The following ZFPM1 variants were observed in gnomAD, a reference collection of about 807,000 sequenced individuals.
ZFPM1 encodes the protein zinc finger protein, FOG family member 1.
In ZFPM1, 28 loss-of-function variants were observed where a neutral mutation model predicts 46.3. The ratio of observed to expected loss-of-function variants is 0.60; its 90% CI spans 0.45 to 0.83. ZFPM1 has a LOEUF of 0.83. Ranked by LOEUF, ZFPM1 falls within the 40% of genes least tolerant of loss-of-function variation. ZFPM1 has a pLI of 0.00. For missense variants in ZFPM1, 1,878 were observed against 1,432.4 expected (o/e 1.31, Z -5.02); for synonymous variants, 957 against 675.9 (o/e 1.42, Z -6.45).
chr16:88,480,022 G>A lies in ZFPM1; in HGVS notation c.41-5917G>A, dbSNP rs1036372210. The stretch of plus-strand genomic sequence containing the variant: ...CGCCCAGCGCCCACTGCCAACACCT[G>A]GCTGAGTCCTAACGCCAGCCTTTGG... On this transcript the variant is annotated intron_variant, in intron 1 of 9. Transcript: ENST00000319555. The surrounding 1 kb of genome is among the most constrained non-coding windows in gnomAD (Gnocchi z 4.9). Among the ~76,000 whole-genome samples the A allele has an allele frequency of 1.3e-5, 2 of 151,822 alleles. No homozygotes were observed. The highest frequency in any genetic ancestry group is 1.3e-4 in the Admixed American group (2 of 15,240).
chr16:88,477,963 C>A (rs1908758379), intron 1 of ZFPM1, among the ~76,000 whole-genome samples: 1 of 138,588 alleles, frequency 7.2e-6, no homozygotes, highest in South Asian at 2.7e-4. Context: ...AGGCCGACCT[C>A]GGAGGGGAGA....
intron 1 of ZFPM1, among the ~76,000 whole-genome samples, chr16:88,474,681 C>G (rs1908593007): frequency 6.6e-6 from 1 of 152,182 alleles, no homozygotes; most frequent in Non-Finnish European, 1.5e-5. Flanking sequence ...CTGTCTGAAG[C>G]CAGCCCCCAC....
chr16:88,477,129 A>G (rs965749690), intron 1 of ZFPM1, among the ~76,000 whole-genome samples: 1 of 152,364 alleles, frequency 6.6e-6, no homozygotes, highest in Admixed American at 6.5e-5. Context: ...AAATTGGAAC[A>G]TGGACATAGA....
intron 3 of ZFPM1, among the ~76,000 whole-genome samples, chr16:88,503,975 T>C (rs868874): frequency 0.34 from 50,701 of 150,798 alleles, 8,666 homozygotes; most frequent in East Asian, 0.46. Flanking sequence ...TCTCGGTGGG[T>C]ACCAGCGTCC....
chr16:88,512,617 G>T (rs1042941249), intron 3 of ZFPM1, among the ~76,000 whole-genome samples: 1 of 151,820 alleles, frequency 6.6e-6, no homozygotes, highest in Admixed American at 6.6e-5. Context: ...AGCTCCAAGC[G>T]TTTCTGACAG....
chr16:88,505,699 G>C (rs1483917482), intron 3 of ZFPM1, among the ~76,000 whole-genome samples: 2 of 152,180 alleles, frequency 1.3e-5, no homozygotes, highest in Admixed American at 6.5e-5. Context: ...CGGGAACGCA[G>C]CCCATGCCGC....
In ZFPM1 at chr16:88,471,026, C is replaced by T. The variant is rs542645154; in HGVS notation, c.41-14913C>T. On this transcript the variant is annotated intron_variant, in intron 1 of 9. Transcript: ENST00000319555. This position sits in a 1 kb window ranked among gnomAD's most constrained non-coding sequence, Gnocchi z 4.1. ...CTCACCCGGTGGGGTCCAGCCTCCG[C>T]GACAGGCATTCCCTTCCCCGTGTGC... is the stretch of plus-strand genomic sequence containing the variant. Among the ~76,000 whole-genome samples the T allele has an allele frequency of 4.6e-5, 7 of 152,270 alleles. No individual in the cohort carries two copies. The highest frequency in any genetic ancestry group is 2.1e-4 in the South Asian group (1 of 4,826).
intron 3 of ZFPM1, among the ~76,000 whole-genome samples, chr16:88,510,540 G>T (rs1419157832): frequency 6.6e-6 from 1 of 152,250 alleles, no homozygotes; most frequent in African/African-American, 2.4e-5. Flanking sequence ...CAGCGTGTTT[G>T]TTCTGGAAAT....
intron 1 of ZFPM1, among the ~76,000 whole-genome samples, chr16:88,457,661 T>A (rs1826556697): frequency 2.0e-5 from 3 of 152,100 alleles, no homozygotes; most frequent in South Asian, 2.1e-4. Context: ...TAGTTAAAAT[T>A]TTTTTACAAA....
chr16:88,451,825 T>A (rs1373918303), upstream of ZFPM1, among the ~76,000 whole-genome samples: 1 of 152,124 alleles, frequency 6.6e-6, no homozygotes, highest in East Asian at 1.9e-4. Context: ...TCTCTTGGCC[T>A]CCTGGTCTCA....
intron 3 of ZFPM1, among the ~76,000 whole-genome samples, chr16:88,492,919 C>T (rs1240752715): frequency 6.6e-6 from 1 of 152,212 alleles, no homozygotes; most frequent in Non-Finnish European, 1.5e-5. Flanking sequence ...TTTGTAAGCA[C>T]CGGAGAGCTG....
At position 88,532,045 on chromosome 16, in the gene ZFPM1, C is replaced by T. The variant is rs367558844; in HGVS notation, c.756C>T (p.Ser252=). 9 of 1,611,882 alleles carry T rather than the reference C, an allele frequency of 5.6e-6. No individual in the cohort carries two copies. Among genetic ancestry groups the T allele is most frequent in the Non-Finnish European group, 7.6e-6 (9 of 1,179,308 alleles). ...PCKDCGIWYR[S]ERNLQAHLLY... ...AGGACTGTGGCATCTGGTACCGCAG[C>T]GAGCGCAACCTGCAGGCGCACCTGC... is the stretch of plus-strand genomic sequence containing the variant. Residue 252 remains serine, a synonymous_variant, in exon 7 of 10, where the codon AGC becomes AGT. Transcript: ENST00000319555.
chr16:88,534,507 G>A lies in ZFPM1; in HGVS notation c.2549G>A (p.Gly850Asp). The A allele has an allele frequency of 6.9e-7, 1 of 1,448,472 alleles. No individual in the cohort carries two copies. Among genetic ancestry groups the A allele is most frequent in the Non-Finnish European group, 9.1e-7 (1 of 1,104,794 alleles). The allele number at this position is 1,448,472 out of a possible 1,614,324, so 89.7% of individuals were successfully genotyped here. A position where few individuals can be genotyped will look rare whatever the true frequency, so the allele number is the denominator to read the frequency against. Residue 850 changes from glycine to aspartate, a missense_variant, in exon 10 of 10, where the codon GGC (glycine) becomes GAC (aspartate). Coordinates refer to ENST00000319555, the MANE Select transcript of ZFPM1 (RefSeq NM_153813.3). Reference sequence around the variant, plus strand: ...GCTGCGCCACCGCCCGGCGCGCTCGGCCTGCCCGCCGCCGCCTGCCCCTAC... The same window carrying A: ...GCTGCGCCACCGCCCGGCGCGCTCGACCTGCCCGCCGCCGCCTGCCCCTAC... ...CPAAPPPGAL[G>D]LPAAACPYCP...
At chr16:88,509,631 G>A (rs1319412714) in intron 3 of ZFPM1, among the ~76,000 whole-genome samples, 6 of 152,210 alleles carry the variant, frequency 3.9e-5, no homozygotes, top group South Asian at 2.1e-4. Context: ...GGAGGCGGGC[G>A]GCTGAGCAGA....
intron 1 of ZFPM1, among the ~76,000 whole-genome samples, chr16:88,473,906 C>T (rs1908542924): frequency 1.3e-5 from 2 of 152,176 alleles, no homozygotes; most frequent in South Asian, 2.1e-4. Context: ...GGCACCCCCT[C>T]GGCTCTTCCG....
chr16:88,478,752 G>A (rs983852955), intron 1 of ZFPM1, among the ~76,000 whole-genome samples: 22 of 152,250 alleles, frequency 1.4e-4, no homozygotes, highest in Non-Finnish European at 2.8e-4. Flanking sequence ...ACATAGAGGC[G>A]AGGGTTCCCG....
intron 1 of ZFPM1, among the ~76,000 whole-genome samples, chr16:88,461,869 G>C (rs1291732011): frequency 6.6e-6 from 1 of 152,202 alleles, no homozygotes; most frequent in African/African-American, 2.4e-5. Context: ...CATTTTACAG[G>C]AGAGAAACGG....
At chr16:88,479,854 TC>T (rs1171462215) in intron 1 of ZFPM1, among the ~76,000 whole-genome samples, 2 of 12,058 alleles carry the variant, frequency 1.7e-4, no homozygotes, top group East Asian at 3.8e-3. Flanking sequence ...CGTCCCTCCC[TC>T]CCCCCCGCTG....
intron 3 of ZFPM1, among the ~76,000 whole-genome samples, chr16:88,494,446 G>A (rs958474895): frequency 2.0e-5 from 3 of 152,146 alleles, no homozygotes; most frequent in Admixed American, 6.5e-5. Flanking sequence ...CAGGACGCCC[G>A]GCCGGGGTGA....
Sources: gnomAD v4.1 joint callset for allele counts (sites outside exome capture counted in the v4.1 genomes callset) on GRCh38, gnomAD v4.1.1 for gene constraint, Gnocchi (gnomAD v3.1) non-coding constraint, MANE v1.5 for transcripts, NCBI Gene and HGNC (gene_info 2026-07-23, HGNC 2026-07-21) for gene names.